The following RNF130 variants were observed in gnomAD, a reference collection of about 807,000 sequenced individuals.
The protein encoded by RNF130 is ring finger protein 130.
RNF130 carries 21 observed loss-of-function variants against 44.6 expected under a neutral mutation model. The observed-to-expected ratio is 0.47, with a 90% confidence interval of 0.33 to 0.68. The LOEUF is 0.68. RNF130 is among the 30% of genes least tolerant of loss of function. The probability of loss-of-function intolerance (pLI) is 0.02; values close to 1 mark genes in which losing one functional copy is unlikely to be tolerated. For synonymous variants in RNF130, 214 were observed against 210.4 expected (o/e 1.02, Z -0.15); for missense variants, 479 against 560.6 (o/e 0.85, Z 1.47).
chr5:180,065,081 T>A (rs1348782618), intron 1 of RNF130, among the ~76,000 whole-genome samples: 3 of 151,852 alleles, frequency 2.0e-5, no homozygotes, highest in Non-Finnish European at 2.9e-5. Context: ...AGTTCCTTAA[T>A]AATCCTAACC....
chr5:179,994,796 T>C (rs1359540413), intron 3 of RNF130, among the ~76,000 whole-genome samples: 1 of 152,132 alleles, frequency 6.6e-6, no homozygotes, highest in Non-Finnish European at 1.5e-5. Context: ...GCTGTGTGGG[T>C]CAACCTCCAG....
intron 3 of RNF130, among the ~76,000 whole-genome samples, chr5:180,001,829 C>G (rs1009759190): frequency 2.6e-5 from 4 of 152,178 alleles, no homozygotes; most frequent in African/African-American, 9.6e-5. Context: ...GTTATCTAAG[C>G]AGCTGAGCTT....
intron 7 of RNF130, among the ~76,000 whole-genome samples, chr5:179,943,689 T>A (rs1761995571): frequency 6.6e-6 from 1 of 152,160 alleles, no homozygotes; most frequent in Non-Finnish European, 1.5e-5. Flanking sequence ...AAAACTAGAA[T>A]CCAGGTAAAA....
At position 179,998,886 on chromosome 5, in the gene RNF130, T is replaced by TATATA. The variant is rs1389273465; in HGVS notation, c.693+14174_693+14175insTATAT. Reference sequence around the variant, plus strand: ...ATATATATATATATATATATATATGTTTTATATATCTGAGTGCTCCAGTGT... The same window carrying TATATA: ...ATATATATATATATATATATATATGTATATATTTATATATCTGAGTGCTCCAGTGT... On this transcript the variant is annotated intron_variant, in intron 3 of 8. Coordinates refer to ENST00000521389, the MANE Select transcript of RNF130 (RefSeq NM_018434.6). 7.8e-4 allele frequency among the ~76,000 whole-genome samples: 82 copies of TATATA among 105,668 alleles called. 1 individual carries two copies. Among genetic ancestry groups the TATATA allele is most frequent in the African/African-American group, 1.2e-3 (37 of 30,042 alleles). The allele number at this position is 105,668 out of a possible 152,430, so 69.3% of individuals were successfully genotyped here. A position where few individuals can be genotyped will look rare whatever the true frequency, so the allele number is the denominator to read the frequency against.
At chr5:180,040,030 AG>A (rs1036960533) in intron 2 of RNF130, among the ~76,000 whole-genome samples, 1 of 152,252 alleles carries the variant, frequency 6.6e-6, no homozygotes, top group African/African-American at 2.4e-5. Context: ...GAAATAAAGA[AG>A]CATTGTTACT....
At chr5:179,965,634 GA>G (rs1762425198) in intron 7 of RNF130, among the ~76,000 whole-genome samples, 1 of 152,060 alleles carries the variant, frequency 6.6e-6, no homozygotes. Context: ...TAAAACTGTA[GA>G]CCATAAAACC....
intron 2 of RNF130, among the ~76,000 whole-genome samples, chr5:180,029,626 C>T (rs1764077107): frequency 6.6e-6 from 1 of 152,164 alleles, no homozygotes; most frequent in South Asian, 2.1e-4. Flanking sequence ...AATGGGTTTA[C>T]TTCCATTGCT....
At chr5:180,058,479 T>C (rs1448813133) in intron 1 of RNF130, among the ~76,000 whole-genome samples, 3 of 152,212 alleles carry the variant, frequency 2.0e-5, no homozygotes, top group South Asian at 4.1e-4. Context: ...GTCGAATTCA[T>C]AGAGACAGAA....
intron 3 of RNF130, among the ~76,000 whole-genome samples, chr5:180,003,328 G>C (rs1037718493): frequency 1.3e-5 from 2 of 152,198 alleles, no homozygotes; most frequent in Non-Finnish European, 2.9e-5. Context: ...CAGAGAGCAG[G>C]TGCTGGTGGA....
intron 2 of RNF130, among the ~76,000 whole-genome samples, chr5:180,017,934 C>T (rs1244020441): frequency 6.6e-6 from 1 of 152,180 alleles, no homozygotes; most frequent in Non-Finnish European, 1.5e-5. Flanking sequence ...ACTGCTGCAG[C>T]GTAATGAGCT....
chr5:179,932,407 G>A lies in RNF130; in HGVS notation c.1151-11981C>T, dbSNP rs535246763. On this transcript the variant is annotated intron_variant, in intron 7 of 7. Coordinates refer to the RNF130 transcript ENST00000522208. ...TGAGTAGCTGGGACTACAGACATGC[G>A]CCACCACTCCCGGCTGATTTTTCTG... is the stretch of plus-strand genomic sequence containing the variant. 2.3e-3 allele frequency among the ~76,000 whole-genome samples: 349 copies of A among 151,898 alleles called. 3 individuals are homozygous for A. The highest frequency in any genetic ancestry group is 8.1e-3 in the African/African-American group (335 of 41,444).
At chr5:179,951,715 T>C (rs1762129475), downstream of RNF130, among the ~76,000 whole-genome samples, 1 of 152,168 alleles carries the variant, frequency 6.6e-6, no homozygotes, top group Non-Finnish European at 1.5e-5. Context: ...ACAAAGTATG[T>C]TCTCCAACCA....
chr5:179,984,482 A>G (rs75064908), intron 3 of RNF130, among the ~76,000 whole-genome samples: 2,082 of 152,294 alleles, frequency 0.014, 17 homozygotes, highest in Admixed American at 0.025. Context: ...ACTTCGGCAA[A>G]TATCTTTTCT....
chr5:179,930,191 G>A (rs1333089066), intron 7 of RNF130, among the ~76,000 whole-genome samples: 2 of 152,062 alleles, frequency 1.3e-5, no homozygotes, highest in Non-Finnish European at 2.9e-5. Flanking sequence ...CCGAGTAGCT[G>A]GGATTACAGG....
intron 6 of RNF130, among the ~76,000 whole-genome samples, chr5:179,967,799 C>T (rs1171995946): frequency 1.3e-5 from 2 of 152,140 alleles, no homozygotes; most frequent in Non-Finnish European, 2.9e-5. Flanking sequence ...CTAATGGCTT[C>T]CTGGGCAAAA....
chr5:179,998,857 TTTTATATATATATATA>T (rs1763263296), intron 3 of RNF130, among the ~76,000 whole-genome samples: 1 of 65,232 alleles, frequency 1.5e-5, no homozygotes, highest in Non-Finnish European at 3.0e-5. Context: ...ATCTAGTATT[TTTTATATATATATATA>T]TATATATATA....
chr5:180,041,001 A>T (rs1454366300), intron 1 of RNF130, among the ~76,000 whole-genome samples: 1 of 152,170 alleles, frequency 6.6e-6, no homozygotes, highest in East Asian at 1.9e-4. Flanking sequence ...TGTAACCCTG[A>T]CACCCTGACT....
At chr5:179,962,642 T>TA (rs968862275) in intron 8 of RNF130, among the ~76,000 whole-genome samples, 2 of 151,938 alleles carry the variant, frequency 1.3e-5, no homozygotes, top group South Asian at 2.1e-4. Flanking sequence ...AAAGCAAAAA[T>TA]AAAAAAACCC....
intron 3 of RNF130, among the ~76,000 whole-genome samples, chr5:179,985,753 C>T (rs1235181481): frequency 6.6e-6 from 1 of 152,164 alleles, no homozygotes; most frequent in Non-Finnish European, 1.5e-5. Flanking sequence ...ATAGACCTGA[C>T]TGCATTTGCA....
Sources: allele counts gnomAD v4.1 joint callset (sites outside exome capture counted in the v4.1 genomes callset), GRCh38; gene constraint gnomAD v4.1.1; transcripts MANE v1.5; gene names NCBI Gene and HGNC (gene_info 2026-07-23, HGNC 2026-07-21).